The following NPAS3 variants were observed in gnomAD, a reference collection of about 807,000 sequenced individuals.
NPAS3 encodes neuronal PAS domain protein 3.
NPAS3 carries 14 observed loss-of-function variants against 73.1 expected under a neutral mutation model. That is an observed-to-expected ratio of 0.19 (90% CI 0.13 to 0.30). The LOEUF (loss-of-function observed/expected upper bound fraction) is 0.30. Ranked by LOEUF, NPAS3 falls within the 10% of genes least tolerant of loss-of-function variation. The pLI is 1.00. For missense variants in NPAS3, 1,096 were observed against 1,250.0 expected (o/e 0.88, Z 1.86); for synonymous variants, 620 against 541.5 (o/e 1.14, Z -2.01).
intron 4 of NPAS3, among the ~76,000 whole-genome samples, chr14:33,420,504 G>GTTT (rs78438641): frequency 6.7e-6 from 1 of 148,754 alleles, no homozygotes; most frequent in African/African-American, 2.5e-5. Flanking sequence ...TTTTCCCTGT[G>GTTT]TTTTTTTTTT....
At chr14:33,784,772 CAG>C (rs1432555370) in intron 9 of NPAS3, among the ~76,000 whole-genome samples, 2 of 24,002 alleles carry the variant, frequency 8.3e-5, no homozygotes, top group Non-Finnish European at 1.6e-4. Flanking sequence ...TTTTTTGAGA[CAG>C]AGTTTCACTC....
chr14:33,168,083 C>T (rs898888672), intron 2 of NPAS3, among the ~76,000 whole-genome samples: 3 of 152,102 alleles, frequency 2.0e-5, no homozygotes, highest in Middle Eastern at 3.2e-3. Context: ...GACTGATTTC[C>T]GGGCTCTCTG....
At chr14:33,797,480 C>T in exon 11 of NPAS3, 4 of 1,614,186 alleles carry the variant, frequency 2.5e-6, no homozygotes, top group Non-Finnish European at 3.4e-6. Flanking sequence ...AAGGACACAC[C>T]CATGGACATC....
chr14:33,204,875 T>G (rs982122505), intron 2 of NPAS3, among the ~76,000 whole-genome samples: 1 of 152,020 alleles, frequency 6.6e-6, no homozygotes, highest in African/African-American at 2.4e-5. Context: ...GCCCTACTAT[T>G]GCAAAAAGTA....
At chr14:33,183,241 C>T (rs913330163) in intron 2 of NPAS3, among the ~76,000 whole-genome samples, 3 of 152,080 alleles carry the variant, frequency 2.0e-5, no homozygotes, top group Admixed American at 6.5e-5. Flanking sequence ...GCCTGGCCAA[C>T]ATGGTGAAAC....
Position 33,215,124 on chromosome 14 carries a change from T to C in NPAS3, c.141-58T>C, listed in dbSNP as rs1042390761. On this transcript the variant is annotated intron_variant, in intron 2 of 11. Coordinates refer to ENST00000356141, the Ensembl canonical transcript of NPAS3. ...AAAGGAAATACAAAGAAAGCAGTAT[T>C]TGAATGATGACAGAGTCACATATTC... is the stretch of plus-strand genomic sequence containing the variant. The C allele has an allele frequency of 2.8e-5, 43 of 1,547,782 alleles. No homozygotes were observed. The African/African-American group carries it at 5.1e-4, about 18-fold the overall frequency.
At chr14:33,432,079 T>A (rs1705606361) in intron 4 of NPAS3, among the ~76,000 whole-genome samples, 1 of 152,182 alleles carries the variant, frequency 6.6e-6, no homozygotes, top group South Asian at 2.1e-4. Flanking sequence ...AAGAGAAAAG[T>A]ACTTTTCTTG....
chr14:33,174,662 A>T (rs905540931), intron 2 of NPAS3, among the ~76,000 whole-genome samples: 2 of 152,288 alleles, frequency 1.3e-5, no homozygotes, highest in African/African-American at 2.4e-5. Flanking sequence ...GGAGTCTATT[A>T]ATCTCCACAC....
At chr14:33,289,331 G>A (rs544064150) in intron 3 of NPAS3, among the ~76,000 whole-genome samples, 16 of 152,274 alleles carry the variant, frequency 1.1e-4, no homozygotes, top group Non-Finnish European at 2.1e-4. Context: ...GTGTGCATGC[G>A]TGTGTGTATG....
chr14:33,200,350 A>C (rs1230082322), intron 2 of NPAS3, among the ~76,000 whole-genome samples: 1 of 152,138 alleles, frequency 6.6e-6, no homozygotes, highest in African/African-American at 2.4e-5. Context: ...TAAATTTATA[A>C]AACAGAAAAG....
intron 3 of NPAS3, among the ~76,000 whole-genome samples, chr14:33,249,304 T>C (rs981844776): frequency 6.6e-6 from 1 of 151,788 alleles, no homozygotes; most frequent in African/African-American, 2.4e-5. Context: ...TATTCTTCAG[T>C]TGGTGCTCAT....
chr14:33,125,051 A>G (rs1300953817), intron 2 of NPAS3, among the ~76,000 whole-genome samples: 1 of 152,084 alleles, frequency 6.6e-6, no homozygotes, highest in Non-Finnish European at 1.5e-5. Context: ...AGGATGGAGA[A>G]AAAGAAATAT....
chr14:33,463,386 T>G (rs960165709), intron 4 of NPAS3, among the ~76,000 whole-genome samples: 10 of 152,190 alleles, frequency 6.6e-5, no homozygotes, highest in Admixed American at 2.6e-4. Flanking sequence ...AACATTAAAT[T>G]GATTATATAA....
chr14:33,449,072 C>T (rs931983955), intron 4 of NPAS3, among the ~76,000 whole-genome samples: 1 of 152,058 alleles, frequency 6.6e-6, no homozygotes, highest in Non-Finnish European at 1.5e-5. Flanking sequence ...AGTTAAACAC[C>T]CCAACCGCAT....
chr14:33,473,281 C>A (rs1372598581), intron 4 of NPAS3, among the ~76,000 whole-genome samples: 2 of 152,134 alleles, frequency 1.3e-5, no homozygotes, highest in African/African-American at 4.8e-5. Context: ...TCACTCAGAC[C>A]TCCTGAGTCT....
chr14:33,150,500 G>A (rs774589401), intron 2 of NPAS3, among the ~76,000 whole-genome samples: 3 of 152,020 alleles, frequency 2.0e-5, no homozygotes, highest in Admixed American at 6.6e-5. Flanking sequence ...TGATCATCTG[G>A]GAAATATTTT....
chr14:32,958,699 C>G (rs963051193), intron 1 of NPAS3, among the ~76,000 whole-genome samples: 4 of 152,152 alleles, frequency 2.6e-5, no homozygotes, highest in African/African-American at 7.2e-5. Context: ...TTCATACTTC[C>G]CATGGATACC....
chr14:32,987,729 TTTTA>T (rs1356351319), intron 1 of NPAS3, among the ~76,000 whole-genome samples: 1 of 152,214 alleles, frequency 6.6e-6, no homozygotes, highest in Non-Finnish European at 1.5e-5. Context: ...AAATCTTTGC[TTTTA>T]TTTTAGACAG....
At chr14:33,446,197 C>A (rs2049490906) in intron 4 of NPAS3, among the ~76,000 whole-genome samples, 1 of 124,212 alleles carries the variant, frequency 8.1e-6, no homozygotes, top group African/African-American at 3.1e-5. Context: ...GAGACGGAGT[C>A]TCGCTCTGTC....
Sources: allele counts gnomAD v4.1 joint callset (sites outside exome capture counted in the v4.1 genomes callset), GRCh38; gene constraint gnomAD v4.1.1; transcripts MANE v1.5; gene names NCBI Gene and HGNC (gene_info 2026-07-23, HGNC 2026-07-21).